The following AKAP19 variants were observed in gnomAD, a reference collection of about 807,000 sequenced individuals.
AKAP19 encodes the protein A-kinase anchoring protein 19, also known as small A-kinase anchoring protein.
the AKAP19 span, among the ~76,000 whole-genome samples, chr2:190,004,589 T>A: frequency 2.8e-4 from 42 of 152,112 alleles, no homozygotes; most frequent in East Asian, 1.7e-3. Flanking sequence ...TTTTATTTTT[T>A]TTTTTTGAGA....
chr2:190,038,153 C>A, the AKAP19 span, among the ~76,000 whole-genome samples: 1 of 152,204 alleles, frequency 6.6e-6, no homozygotes, highest in Non-Finnish European at 1.5e-5. Context: ...GAGTGTCCTA[C>A]AGGGGTAGCC....
chr2:190,030,515 A>G, the AKAP19 span, among the ~76,000 whole-genome samples: 1 of 152,140 alleles, frequency 6.6e-6, no homozygotes, highest in South Asian at 2.1e-4. Flanking sequence ...ACCTCATGGG[A>G]GGACTCATCT....
At chr2:190,047,359 G>A in the AKAP19 span, among the ~76,000 whole-genome samples, 1 of 152,114 alleles carries the variant, frequency 6.6e-6, no homozygotes, top group Non-Finnish European at 1.5e-5. Context: ...TAAAGACATT[G>A]CTAACAGACG....
chr2:190,197,628 T>C, the AKAP19 span, among the ~76,000 whole-genome samples: 2 of 152,228 alleles, frequency 1.3e-5, no homozygotes, highest in African/African-American at 4.8e-5. This position sits in a 1 kb window ranked among gnomAD's most constrained non-coding sequence, Gnocchi z 4.0. Context: ...TACCCCCAGG[T>C]AGAATCCCAC....
At chr2:189,961,570 C>T in the AKAP19 span, among the ~76,000 whole-genome samples, 1 of 151,962 alleles carries the variant, frequency 6.6e-6, no homozygotes, top group Admixed American at 6.6e-5. Flanking sequence ...GTTTAATTTA[C>T]CTCATAAGTC....
chr2:190,148,984 A>T, the AKAP19 span, among the ~76,000 whole-genome samples: 84 of 132,896 alleles, frequency 6.3e-4, no homozygotes, highest in African/African-American at 2.5e-3. Flanking sequence ...TTTTTTTGAG[A>T]TAGAGTTTCA....
the AKAP19 span, among the ~76,000 whole-genome samples, chr2:189,992,500 A>C: frequency 6.7e-6 from 1 of 149,406 alleles, no homozygotes; most frequent in Non-Finnish European, 1.5e-5. Context: ...TGCTTTAGCT[A>C]TGTGGGCTCT....
At chr2:190,125,305 C>T in the AKAP19 span, among the ~76,000 whole-genome samples, 4 of 143,632 alleles carry the variant, frequency 2.8e-5, no homozygotes, top group South Asian at 4.3e-4. Context: ...ATACACAGTT[C>T]GTTGTTGACT....
the AKAP19 span, among the ~76,000 whole-genome samples, chr2:190,071,250 C>T: frequency 9.9e-5 from 15 of 152,056 alleles, no homozygotes; most frequent in African/African-American, 3.6e-4. Context: ...GAGTTCAAGA[C>T]CAGTTTGGGC....
the AKAP19 span, among the ~76,000 whole-genome samples, chr2:190,085,995 A>G: frequency 2.6e-5 from 4 of 152,344 alleles, no homozygotes; most frequent in Admixed American, 2.6e-4. Context: ...TACAGCTTTC[A>G]GCATTACAGT....
the AKAP19 span, among the ~76,000 whole-genome samples, chr2:189,992,924 T>C: frequency 6.6e-6 from 1 of 152,204 alleles, no homozygotes; most frequent in Non-Finnish European, 1.5e-5. Context: ...TGGATGAATC[T>C]TTAGGGTTTT....
the AKAP19 span, among the ~76,000 whole-genome samples, chr2:189,989,840 T>A: frequency 1.3e-5 from 2 of 152,074 alleles, no homozygotes; most frequent in African/African-American, 4.8e-5. Context: ...GTAAAAATTT[T>A]AAAATATTAC....
chr2:190,200,520 T>G, the AKAP19 span: 1 of 182,702 alleles, frequency 5.5e-6, no homozygotes, highest in African/African-American at 2.5e-5. Context: ...TTTTGTTTGT[T>G]TATACCCAAA....
the AKAP19 span, among the ~76,000 whole-genome samples, chr2:189,964,835 T>C: frequency 5.7e-4 from 87 of 152,328 alleles, no homozygotes; most frequent in East Asian, 0.016. Context: ...TGATCTTCTA[T>C]CCAGACAACT....
At chr2:189,893,725 T>C in the AKAP19 span, among the ~76,000 whole-genome samples, 17 of 152,248 alleles carry the variant, frequency 1.1e-4, no homozygotes, top group East Asian at 2.1e-3. Context: ...TCTCTAACCA[T>C]GGGTTCTGCA....
chr2:189,975,806 G>A, the AKAP19 span, among the ~76,000 whole-genome samples: 76 of 152,236 alleles, frequency 5.0e-4, no homozygotes, highest in African/African-American at 1.8e-3. Context: ...TCGTCAAGTA[G>A]TTCTCGTGCC....
the AKAP19 span, among the ~76,000 whole-genome samples, chr2:190,175,000 T>TACATAGATTACATAGAG: frequency 1.5e-5 from 1 of 65,178 alleles, no homozygotes; most frequent in African/African-American, 3.2e-5. Context: ...GATACATAGA[T>TACATAGATTACATAGAG]TACATGGAGT....
chr2:190,183,532 TTGTTTAA>T, the AKAP19 span, among the ~76,000 whole-genome samples: 3 of 152,206 alleles, frequency 2.0e-5, no homozygotes, highest in Non-Finnish European at 2.9e-5. Context: ...TCATTTTTCC[TTGTTTAA>T]TGTTTAAGTT....
chr2:190,063,386 G>C, the AKAP19 span, among the ~76,000 whole-genome samples: 21 of 152,036 alleles, frequency 1.4e-4, no homozygotes, highest in South Asian at 3.9e-3. Context: ...AAATTATACT[G>C]AACTTTTGAC....
Sources: gnomAD v4.1 joint callset for allele counts (sites outside exome capture counted in the v4.1 genomes callset) on GRCh38, gnomAD v4.1.1 for gene constraint, Gnocchi (gnomAD v3.1) non-coding constraint, MANE v1.5 for transcripts, NCBI Gene and HGNC (gene_info 2026-07-23, HGNC 2026-07-21) for gene names.